The following FRMPD3 variants were observed in gnomAD, a reference collection of about 807,000 sequenced individuals.
FRMPD3 encodes the protein FERM and PDZ domain-containing protein 3.
Under a neutral mutation model 97.9 loss-of-function variants are expected in FRMPD3, and 42 were observed. That is an observed-to-expected ratio of 0.43 (90% CI 0.34 to 0.55). The LOEUF is 0.55. Ranked by LOEUF, FRMPD3 falls within the 20% of genes least tolerant of loss-of-function variation. FRMPD3 has a pLI of 0.03. For synonymous variants in FRMPD3, 577 were observed against 581.1 expected, an observed-to-expected ratio of 0.99 and a Z score of 0.10; for missense variants, 1,303 against 1,457.7, an observed-to-expected ratio of 0.89 and a Z score of 1.73.
rs778684924 is a variant in FRMPD3 at position 107,577,610 on chromosome X, T to G, written c.1441+1151T>G. ...GTTGCAGTGAGCCGAGATCCCGCCT[T>G]TTTACTTCAGCCTGGGCGACAGAGC... On this transcript the variant is annotated intron_variant, in intron 13 of 14. Transcript: ENST00000683843. 3.6e-5 allele frequency among the ~76,000 whole-genome samples: 4 copies of G among 110,269 alleles called. No homozygotes were observed. The East Asian group carries it at 8.5e-4, about 23-fold the overall frequency.
chrX:107,465,242 C>A (rs1019941747), intron 1 of FRMPD3, among the ~76,000 whole-genome samples: 2 of 111,159 alleles, frequency 1.8e-5, no homozygotes, highest in Non-Finnish European at 3.8e-5. Flanking sequence ...GAGGTCAAGG[C>A]GGGCAAATCA....
chrX:107,473,668 A>G (rs913186855), intron 1 of FRMPD3, among the ~76,000 whole-genome samples: 1 of 112,110 alleles, frequency 8.9e-6, no homozygotes, highest in Non-Finnish European at 1.9e-5. Context: ...ACACTCTTTT[A>G]CCCTCACCCC....
At chrX:107,537,348 T>A (rs1921032342) in intron 4 of FRMPD3, among the ~76,000 whole-genome samples, 1 of 111,922 alleles carries the variant, frequency 8.9e-6, no homozygotes, top group Admixed American at 9.5e-5. Context: ...TTCTGGACAC[T>A]CTTCTAGGCT....
At chrX:107,593,957 C>T (rs141029166) in intron 13 of FRMPD3, among the ~76,000 whole-genome samples, 36 of 111,530 alleles carry the variant, frequency 3.2e-4, no homozygotes, top group African/African-American at 1.0e-3. Flanking sequence ...ATTTGCAGAT[C>T]GCTTTTAGCA....
chrX:107,573,108 C>T (rs1317490624), intron 12 of FRMPD3, among the ~76,000 whole-genome samples: 1 of 110,995 alleles, frequency 9.0e-6, no homozygotes, highest in Non-Finnish European at 1.9e-5. Flanking sequence ...ACAAACGAGG[C>T]ATACATATAT....
intron 1 of FRMPD3, among the ~76,000 whole-genome samples, chrX:107,473,484 T>G (rs1488366136): frequency 8.9e-6 from 1 of 111,951 alleles, no homozygotes; most frequent in Non-Finnish European, 1.9e-5. Flanking sequence ...CTGAACATGA[T>G]TTCAGGATGT....
chrX:107,526,452 A>C, intron 1 of FRMPD3, 130 bp from the exon 2 acceptor site: 2 of 457,250 alleles, frequency 4.4e-6, no homozygotes, highest in Non-Finnish European at 7.0e-6. Flanking sequence ...TTGGCTCCAG[A>C]GGATGTAGGA....
chrX:107,603,249 A>G lies in FRMPD3; in HGVS notation c.5210A>G (p.Gln1737Arg). Residue 1737 changes from glutamine (Q) to arginine (R), a missense_variant, in exon 15 of 15, where the codon CAG becomes CGG. Gln to Arg is a conservative substitution (Grantham distance 43, BLOSUM62 1). Transcript: ENST00000683843. Reference sequence around the variant, plus strand: ...CAACAACAGCAGCAGCAACAACAACAGCAGCAGCAGCAGCAGCAGGTGGCA... The same window carrying G: ...CAACAACAGCAGCAGCAACAACAACGGCAGCAGCAGCAGCAGCAGGTGGCA... Reference protein sequence around the residue: ...QQQQQQQQQQQQQQQQQVAAA... With the variant: ...QQQQQQQQQQRQQQQQQVAAA... 3 of 1,099,493 alleles carry G rather than the reference A, an allele frequency of 2.7e-6. No individual in the cohort carries two copies. The highest frequency in any genetic ancestry group is 3.6e-6 in the Non-Finnish European group (3 of 823,336). 90.6% of individuals were successfully genotyped at this position (1,099,493 alleles called of 1,213,427 possible).
At chrX:107,462,288 C>T (rs1375545292) in intron 1 of FRMPD3, among the ~76,000 whole-genome samples, 2 of 111,793 alleles carry the variant, frequency 1.8e-5, no homozygotes, top group Admixed American at 9.5e-5. Flanking sequence ...TTCTTTCTCC[C>T]CAGCTAGAGA....
chrX:107,547,762 C>T lies in FRMPD3; in HGVS notation c.402+1921C>T, dbSNP rs757337965. On this transcript the variant is annotated intron_variant, in intron 5 of 14. Coordinates refer to ENST00000683843, the MANE Select transcript of FRMPD3 (RefSeq NM_001388459.1). ...GGCTCTCCTATCAACCCTTTCCTTT[C>T]GTGTTCCAAGGCTTTATTAAGCAGC... Among the ~76,000 whole-genome samples, 5 of 112,033 alleles carry T rather than the reference C, an allele frequency of 4.5e-5. No individual in the cohort carries two copies. In the South Asian group the frequency reaches 1.5e-3, roughly 34 times the overall value.
Position 107,530,516 on chromosome X carries a change from CAG to C in FRMPD3, c.251+6_251+7del, listed in dbSNP as rs1285422319. 14 of 1,150,986 alleles carry C rather than the reference CAG, an allele frequency of 1.2e-5. No individual in the cohort carries two copies. Among genetic ancestry groups the C allele is most frequent in the Non-Finnish European group, 1.6e-5 (14 of 852,498 alleles). The allele number at this position is 1,150,986 out of a possible 1,213,427, so 94.9% of individuals were successfully genotyped here. ...GAGACTCATAGAACTTATCAGGTAA[CAG>C]GGGCCTTTTGGCAGGAACTGATCAG... On this transcript the variant is annotated splice_donor_region_variant and intron_variant, in intron 3 of 14. Transcript: ENST00000683843.
chrX:107,542,668 A>T (rs948647736), intron 4 of FRMPD3, among the ~76,000 whole-genome samples: 2 of 112,361 alleles, frequency 1.8e-5, no homozygotes, highest in African/African-American at 6.5e-5. Context: ...CCAAGACACA[A>T]TGAGGACGTT....
intron 4 of FRMPD3, among the ~76,000 whole-genome samples, chrX:107,544,341 A>C (rs999768106): frequency 9.0e-5 from 10 of 111,725 alleles, no homozygotes; most frequent in African/African-American, 3.3e-4. Flanking sequence ...GACTATAGTT[A>C]ATAATAATGT....
rs772523916 is a variant in FRMPD3 at position 107,605,251 on chromosome X, A to G, written c.*1878A>G. The G allele has an allele frequency of 3.6e-5, 4 of 110,705 alleles. No individual in the cohort carries two copies. The highest frequency in any genetic ancestry group is 9.7e-5 in the Admixed American group (1 of 10,316). 9.1% of individuals were successfully genotyped at this position (110,705 alleles called of 1,213,427 possible). A position where few individuals can be genotyped will look rare whatever the true frequency, so the allele number is the denominator to read the frequency against. Reference sequence around the variant, plus strand: ...TAAATCTATTCATCTTACTATCCCAATAAGTCTTTGCGGTGCCTCTTTGTG... The same window carrying G: ...TAAATCTATTCATCTTACTATCCCAGTAAGTCTTTGCGGTGCCTCTTTGTG... On this transcript the variant is annotated 3_prime_UTR_variant, in exon 15 of 15. Transcript: ENST00000683843.
chrX:107,577,564 G>A (rs1347195922), intron 13 of FRMPD3, among the ~76,000 whole-genome samples: 1 of 108,421 alleles, frequency 9.2e-6, no homozygotes, highest in African/African-American at 3.4e-5. Context: ...CAGGAGAATC[G>A]CTTGAACCCT....
chrX:107,492,638 A>T (rs1921687031), intron 1 of FRMPD3, among the ~76,000 whole-genome samples: 1 of 112,151 alleles, frequency 8.9e-6, no homozygotes, highest in South Asian at 3.7e-4. Context: ...GACCTTGCTA[A>T]AAATGCAGAA....
Position 107,597,262 on chromosome X carries a change from G to C in FRMPD3, c.1442-59G>C. 3 of 995,739 alleles carry C rather than the reference G, an allele frequency of 3.0e-6. No homozygotes were observed. In the South Asian group the frequency reaches 6.6e-5, roughly 22 times the overall value. 82.1% of individuals were successfully genotyped at this position (995,739 alleles called of 1,213,427 possible). A position where few individuals can be genotyped will look rare whatever the true frequency, so the allele number is the denominator to read the frequency against. On this transcript the variant is annotated intron_variant, in intron 13 of 14. Transcript: ENST00000683843. ...GAGACATGGGCCAGAGACAACAAGGGAGCTCATTCACAATCCTTGGCACCA... is the reference window on the plus strand; with the variant it reads ...GAGACATGGGCCAGAGACAACAAGGCAGCTCATTCACAATCCTTGGCACCA...
At chrX:107,452,557 C>T (rs1281939382) in intron 1 of FRMPD3, among the ~76,000 whole-genome samples, 3 of 111,761 alleles carry the variant, frequency 2.7e-5, no homozygotes, top group African/African-American at 9.8e-5. Context: ...GTGAGGCATT[C>T]TGCTGAGTGG....
At chrX:107,472,018 T>C (rs1361440456) in intron 1 of FRMPD3, among the ~76,000 whole-genome samples, 7 of 112,324 alleles carry the variant, frequency 6.2e-5, no homozygotes, top group African/African-American at 2.3e-4. Context: ...TGGTATCTCA[T>C]TGTGGTTTTG....
Sources: gnomAD v4.1 joint callset for allele counts (sites outside exome capture counted in the v4.1 genomes callset) on GRCh38, gnomAD v4.1.1 for gene constraint, MANE v1.5 for transcripts, NCBI Gene and HGNC (gene_info 2026-07-23, HGNC 2026-07-21) for gene names.